Variants in PLXDC1 observed in about 807,000 individuals in gnomAD.
The protein encoded by PLXDC1 is plexin domain-containing protein 1.
In PLXDC1, 39 loss-of-function variants were observed where a neutral mutation model predicts 61.3. The observed-to-expected ratio is 0.64, with a 90% CI of 0.49 to 0.83. PLXDC1 has a LOEUF of 0.83. Among genes scored for constraint, PLXDC1 ranks in the 40% least tolerant of loss-of-function variants. The pLI, the probability that PLXDC1 is intolerant of heterozygous loss-of-function variation, is 0.00. For missense variants in PLXDC1, 596 were observed against 666.5 expected, an observed-to-expected ratio of 0.89 and a Z score of 1.17; for synonymous variants, 212 against 254.5, an observed-to-expected ratio of 0.83 and a Z score of 1.59.
chr17:39,087,301 G>A (rs1434113104), intron 8 of PLXDC1, among the ~76,000 whole-genome samples: 1 of 152,134 alleles, frequency 6.6e-6, no homozygotes, highest in African/African-American at 2.4e-5. Flanking sequence ...CAGCTTTCCC[G>A]GGTTTCAATT....
intron 12 of PLXDC1, among the ~76,000 whole-genome samples, chr17:39,071,367 C>G (rs1909111001): frequency 8.1e-6 from 1 of 123,546 alleles, no homozygotes; most frequent in Non-Finnish European, 1.6e-5. Flanking sequence ...TCCTACATAG[C>G]TAGTGGGTGG....
chr17:39,152,368 C>T, upstream of PLXDC1: 1 of 507,826 alleles, frequency 2.0e-6, no homozygotes, highest in Non-Finnish European at 3.0e-6. Flanking sequence ...CAGAGCCAGC[C>T]CCAGACGAGG....
intron 7 of PLXDC1, among the ~76,000 whole-genome samples, chr17:39,104,329 G>C (rs1026522750): frequency 6.6e-6 from 1 of 152,114 alleles, no homozygotes; most frequent in African/African-American, 2.4e-5. Flanking sequence ...TCCAGCTCAG[G>C]CTTCCAGTTC....
At chr17:39,142,554 T>C (rs1195207403) in intron 1 of PLXDC1, among the ~76,000 whole-genome samples, 1 of 152,204 alleles carries the variant, frequency 6.6e-6, no homozygotes, top group Non-Finnish European at 1.5e-5. Context: ...AGGGTCTCAC[T>C]CTAGCATGCA....
intron 13 of PLXDC1, among the ~76,000 whole-genome samples, chr17:39,069,263 G>A (rs781097057): frequency 6.6e-6 from 1 of 152,044 alleles, no homozygotes; most frequent in Admixed American, 6.6e-5. Context: ...GTGCCACCAC[G>A]CTGGGCTAAT....
chr17:39,109,447 C>G (rs2143686821), intron 2 of PLXDC1, 56 bp from the exon 3 acceptor site: 1 of 1,540,348 alleles, frequency 6.5e-7, no homozygotes, highest in Middle Eastern at 1.7e-4. Flanking sequence ...CATGCCAGGA[C>G]TGACTCTCCG....
intron 2 of PLXDC1, among the ~76,000 whole-genome samples, chr17:39,128,106 T>TATATATATATATATATATACATATATAC (rs1567769551): frequency 1.0e-5 from 1 of 98,486 alleles, no homozygotes; most frequent in South Asian, 3.3e-4. Flanking sequence ...TGTATATATA[T>TATATATATATATATATATACATATATAC]ATATATATGT....
At chr17:39,072,336 C>T (rs922464557) in intron 12 of PLXDC1, 114 bp downstream of exon 12, 26 of 760,244 alleles carry the variant, frequency 3.4e-5, no homozygotes, top group South Asian at 4.4e-5. Flanking sequence ...CTCAGGCTGC[C>T]GTTGCTCCCT....
intron 2 of PLXDC1, among the ~76,000 whole-genome samples, chr17:39,129,779 A>AGCAAGAAAGAAAGAGAGAAAG (rs1911500512): frequency 7.0e-6 from 1 of 142,014 alleles, no homozygotes; most frequent in African/African-American, 2.7e-5. Context: ...GAGAAAGAAA[A>AGCAAGAAAGAAAGAGAGAAAG]AGAAAGAAAG....
In PLXDC1 at chr17:39,123,079, C is replaced by T. The variant is rs573204252; in HGVS notation, c.256-13688G>A. Among the ~76,000 whole-genome samples, 34 of 152,324 alleles carry T rather than the reference C, an allele frequency of 2.2e-4. 1 individual carries two copies. The highest frequency in any genetic ancestry group is 8.2e-4 in the African/African-American group (34 of 41,570). On this transcript the variant is annotated intron_variant, in intron 2 of 13. Coordinates refer to ENST00000315392, the MANE Select transcript of PLXDC1 (RefSeq NM_020405.5). Reference sequence around the variant, plus strand: ...ATTGCTCTAGGATCAAACATATTGTCTGTGGAGTAAGACAGACCCAAGTTC... The same window carrying T: ...ATTGCTCTAGGATCAAACATATTGTTTGTGGAGTAAGACAGACCCAAGTTC...
Position 39,151,290 on chromosome 17 carries a change from G to T in PLXDC1, c.76+72C>A. 1 of 1,132,982 alleles carries T rather than the reference G, an allele frequency of 8.8e-7. No homozygotes were observed. The highest frequency in any genetic ancestry group is 1.1e-6 in the Non-Finnish European group (1 of 891,302). 70.2% of individuals were successfully genotyped at this position (1,132,982 alleles called of 1,614,324 possible). On this transcript the variant is annotated intron_variant, in intron 1 of 13. Coordinates refer to ENST00000315392, the MANE Select transcript of PLXDC1 (RefSeq NM_020405.5). The surrounding 1 kb of genome is among the most constrained non-coding windows in gnomAD (Gnocchi z 5.2). Reference sequence around the variant, plus strand: ...GGACATCGCCAGGCCGTCCACACCTGCCCATGCCCACACCTGACTGCCCGT... The same window carrying T: ...GGACATCGCCAGGCCGTCCACACCTTCCCATGCCCACACCTGACTGCCCGT...
chr17:39,088,846 G>T (rs539067348), intron 7 of PLXDC1, among the ~76,000 whole-genome samples: 2 of 151,226 alleles, frequency 1.3e-5, no homozygotes, highest in East Asian at 3.9e-4. Flanking sequence ...CTACTTGAGA[G>T]GCTGAGGCAG....
chr17:39,137,439 C>A (rs1470296974), intron 2 of PLXDC1: 1 of 152,078 alleles, frequency 6.6e-6, no homozygotes, highest in Non-Finnish European at 1.5e-5. Context: ...ACCTGTAATC[C>A]CAGTTACTCA....
At chr17:39,138,123 C>T (rs1035353069) in intron 2 of PLXDC1, among the ~76,000 whole-genome samples, 1 of 151,974 alleles carries the variant, frequency 6.6e-6, no homozygotes, top group Admixed American at 6.6e-5. Flanking sequence ...TTTTTAGAGA[C>T]GTGGGTCTCA....
At chr17:39,104,781 T>TAA (rs11449163) in intron 7 of PLXDC1, among the ~76,000 whole-genome samples, 124 of 147,428 alleles carry the variant, frequency 8.4e-4, no homozygotes, top group African/African-American at 2.7e-3. Flanking sequence ...AGACTTTGTT[T>TAA]AAAAAAAAAA....
At chr17:39,128,097 G>GTATATATATATATATATATATATA (rs1419922925) in intron 2 of PLXDC1, among the ~76,000 whole-genome samples, 702 of 67,440 alleles carry the variant, frequency 0.01, 70 homozygotes, top group East Asian at 0.024. Flanking sequence ...CTCTCTATGT[G>GTATATATATATATATATATATATA]TATATATATA....
intron 11 of PLXDC1, 100 bp downstream of exon 11, chr17:39,077,813 A>C: frequency 8.6e-7 from 1 of 1,164,166 alleles, no homozygotes; most frequent in Non-Finnish European, 1.3e-6. Flanking sequence ...TTCCCATCCC[A>C]TGAGATCATC....
Position 39,072,355 on chromosome 17 carries a change from T to A in PLXDC1, c.1222+95A>T, listed in dbSNP as rs546420280. 11 of 857,670 alleles carry A rather than the reference T, an allele frequency of 1.3e-5. No homozygotes were observed. In the South Asian group the frequency reaches 1.4e-4, roughly 11 times the overall value. 53.1% of individuals were successfully genotyped at this position (857,670 alleles called of 1,614,324 possible). On this transcript the variant is annotated intron_variant, in intron 12 of 13. Coordinates refer to ENST00000315392, the MANE Select transcript of PLXDC1 (RefSeq NM_020405.5). Reference sequence around the variant, plus strand: ...GGCTGCCGTTGCTCCCTCTCCGCACTCATAAAAATAGCCCAGGCGACTGCT... The same window carrying A: ...GGCTGCCGTTGCTCCCTCTCCGCACACATAAAAATAGCCCAGGCGACTGCT...
In PLXDC1 at chr17:39,138,256, G is replaced by A. The variant is rs551281883; in HGVS notation, c.255+1398C>T. Among the ~76,000 whole-genome samples the A allele has an allele frequency of 2.6e-5, 4 of 152,302 alleles. No individual in the cohort carries two copies. In the South Asian group the frequency reaches 8.3e-4, roughly 32 times the overall value. On this transcript the variant is annotated intron_variant, in intron 2 of 13. Transcript: ENST00000315392. ...CAGCCCACACTGGAATTACATTTGA[G>A]GCTAGGGGACGTGTAGGAAAATGTA... is the stretch of plus-strand genomic sequence containing the variant.
Sources: allele counts gnomAD v4.1 joint callset (sites outside exome capture counted in the v4.1 genomes callset), GRCh38; gene constraint gnomAD v4.1.1; non-coding constraint Gnocchi (gnomAD v3.1); transcripts MANE v1.5; gene names NCBI Gene and HGNC (gene_info 2026-07-23, HGNC 2026-07-21).